Variants in MRC2 observed in about 807,000 individuals in gnomAD.
The protein encoded by MRC2 is mannose receptor C-type 2, also known as C-type mannose receptor 2.
Under a neutral mutation model 206.2 loss-of-function variants are expected in MRC2, and 84 were observed. The observed-to-expected ratio is 0.41, with a 90% CI of 0.34 to 0.49. The LOEUF (loss-of-function observed/expected upper bound fraction) is 0.49. Ranked by LOEUF, MRC2 falls within the 20% of genes least tolerant of loss-of-function variation. MRC2 has a pLI of 0.31. For synonymous variants in MRC2, 798 were observed against 800.0 expected (o/e 1.00, Z 0.04); for missense variants, 1,676 against 2,001.5 (o/e 0.84, Z 3.10).
chr17:62,637,368 T>G (rs1236528846), intron 1 of MRC2, among the ~76,000 whole-genome samples: 2 of 151,782 alleles, frequency 1.3e-5, no homozygotes, highest in Non-Finnish European at 2.9e-5. Flanking sequence ...AAACCCTGTC[T>G]CTCCTGAAAA....
intron 1 of MRC2, among the ~76,000 whole-genome samples, chr17:62,636,035 C>G (rs1028920574): frequency 2.6e-5 from 4 of 151,978 alleles, no homozygotes; most frequent in African/African-American, 9.7e-5. Context: ...GATCCACCTG[C>G]CTCGGCCTCC....
intron 26 of MRC2, 141 bp from the exon 27 acceptor site, chr17:62,690,501 T>C (rs940218292): frequency 1.5e-5 from 21 of 1,390,880 alleles, no homozygotes; most frequent in Non-Finnish European, 2.0e-5. Flanking sequence ...CACTTGCACA[T>C]GTGCACACAC....
chr17:62,680,600 C>T lies in MRC2; in HGVS notation c.2473+147C>T, dbSNP rs551746117. 3.6e-5 allele frequency: 47 copies of T among 1,315,964 alleles called. No individual in the cohort carries two copies. The East Asian group carries it at 9.9e-4, about 28-fold the overall frequency. 81.5% of individuals were successfully genotyped at this position (1,315,964 alleles called of 1,614,324 possible). A position where few individuals can be genotyped will look rare whatever the true frequency, so the allele number is the denominator to read the frequency against. The stretch of plus-strand genomic sequence containing the variant: ...ACGGGGTTGGCTCGGACGGAGGCAG[C>T]CACAGCCCTGTTTGCTTCCGTGTGG... On this transcript the variant is annotated intron_variant, in intron 16 of 29. Coordinates refer to ENST00000303375, the MANE Select transcript of MRC2 (RefSeq NM_006039.5). The surrounding 1 kb of genome is among the most constrained non-coding windows in gnomAD (Gnocchi z 4.8).
Position 62,679,880 on chromosome 17 carries a change from G to A in MRC2, c.2276G>A (p.Trp759Ter). Residue 759 changes from tryptophan to a stop codon, truncating the protein, a stop_gained, in exon 14 of 30, where the codon TGG becomes TAG. Transcript: ENST00000303375. LOFTEE classifies it high-confidence loss of function. The part of the protein sequence containing the change: ...NRRDPRGGQS[W>*]RWSDGVGFSY... ...CGGGATCCCAGAGGGGGTCAGAGTT[G>A]GCGCTGGAGCGACGGCGTAGGGGTG... 2 of 1,613,634 alleles carry A rather than the reference G, an allele frequency of 1.2e-6. No individual in the cohort carries two copies. The highest frequency in any genetic ancestry group is 1.7e-6 in the Non-Finnish European group (2 of 1,179,944).
chr17:62,684,653 T>A (rs1042819450), intron 20 of MRC2, among the ~76,000 whole-genome samples: 2 of 152,234 alleles, frequency 1.3e-5, no homozygotes, highest in Non-Finnish European at 2.9e-5. Context: ...TCATTTTCCT[T>A]GTTATGTGCC....
At chr17:62,661,608 C>T (rs949551098) in intron 1 of MRC2, 6 of 150,386 alleles carry the variant, frequency 4.0e-5, no homozygotes, top group Non-Finnish European at 8.8e-5. Context: ...TTCCTTCCTT[C>T]CTTCCTTCTT....
intron 2 of MRC2, 151 bp downstream of exon 2, chr17:62,665,100 T>C (rs1239454594): frequency 8.4e-6 from 8 of 956,602 alleles, no homozygotes; most frequent in Non-Finnish European, 1.2e-5. Context: ...TTTTTAATAA[T>C]TAAGAAAATT....
intron 1 of MRC2, among the ~76,000 whole-genome samples, chr17:62,646,174 G>T (rs1179230246): frequency 1.3e-5 from 2 of 151,892 alleles, no homozygotes; most frequent in Non-Finnish European, 2.9e-5. Flanking sequence ...ACAGGCGCCT[G>T]CCACCATGCC....
intron 1 of MRC2, among the ~76,000 whole-genome samples, chr17:62,644,417 T>C (rs1432436537): frequency 1.3e-5 from 2 of 151,608 alleles, no homozygotes; most frequent in African/African-American, 2.4e-5. Context: ...AGACTCCGTC[T>C]GGAAAAATAA....
intron 26 of MRC2, 124 bp from the exon 27 acceptor site, chr17:62,690,518 A>G: frequency 1.4e-6 from 2 of 1,442,560 alleles, no homozygotes; most frequent in South Asian, 1.4e-5. Context: ...ACACACACAC[A>G]TGAATCCACA....
intron 1 of MRC2, among the ~76,000 whole-genome samples, chr17:62,628,670 A>G (rs1190618925): frequency 3.3e-5 from 5 of 152,284 alleles, no homozygotes; most frequent in South Asian, 4.1e-4. Flanking sequence ...AACCCAACGA[A>G]CAGGAAACAA....
At chr17:62,674,261 C>A in intron 9 of MRC2, 91 bp downstream of exon 9, 2 of 903,962 alleles carry the variant, frequency 2.2e-6, no homozygotes, top group Non-Finnish European at 3.3e-6. Flanking sequence ...TGCTGCCTCG[C>A]ATGGCATCGC....
At position 62,688,193 on chromosome 17, in the gene MRC2, C is replaced by T. The variant is rs1328175130; in HGVS notation, c.2947-96C>T. 5.7e-6 allele frequency: 6 copies of T among 1,057,370 alleles called. No individual in the cohort carries two copies. In the African/African-American group the frequency reaches 7.8e-5, roughly 14 times the overall value. The allele number at this position is 1,057,370 out of a possible 1,614,324, so 65.5% of individuals were successfully genotyped here. On this transcript the variant is annotated intron_variant, in intron 20 of 29. Coordinates refer to ENST00000303375, the MANE Select transcript of MRC2 (RefSeq NM_006039.5). ...TGTTCTCTCCCGGCCCTCAAAGGCC[C>T]CCCAGGACCTGCTGCTGAGGGGCGC...
intron 18 of MRC2, 65 bp from the exon 19 acceptor site, chr17:62,681,772 C>A: frequency 7.7e-7 from 1 of 1,303,308 alleles, no homozygotes; most frequent in African/African-American, 1.5e-5. Context: ...GCCTTCATTG[C>A]TGCATCCGGT....
At chr17:62,635,786 G>T (rs1355429813) in intron 1 of MRC2, among the ~76,000 whole-genome samples, 2 of 151,444 alleles carry the variant, frequency 1.3e-5, no homozygotes, top group East Asian at 1.9e-4. Flanking sequence ...CCTGTGTCTA[G>T]AATTTTTTTT....
chr17:62,668,969 G>A (rs1006691244), intron 6 of MRC2, among the ~76,000 whole-genome samples: 5 of 152,088 alleles, frequency 3.3e-5, no homozygotes, highest in Admixed American at 6.6e-5. Context: ...GGCCTGGCAC[G>A]AAGGAGTTTT....
rs2089108688 is a variant in MRC2 at position 62,691,269 on chromosome 17, C to A, written c.4192+141C>A. On this transcript the variant is annotated intron_variant, in intron 28 of 29. Transcript: ENST00000303375. Reference sequence around the variant, plus strand: ...CAGAACGGACTGCGGGCAGCTGGGACCCCCGGGATAAATTAGTCAGTGGGA... The same window carrying A: ...CAGAACGGACTGCGGGCAGCTGGGAACCCCGGGATAAATTAGTCAGTGGGA... 4.1e-6 allele frequency: 4 copies of A among 972,624 alleles called. No homozygotes were observed. In the South Asian group the frequency reaches 5.6e-5, roughly 14 times the overall value. The allele number at this position is 972,624 out of a possible 1,614,324, so 60.2% of individuals were successfully genotyped here. A position where few individuals can be genotyped will look rare whatever the true frequency, so the allele number is the denominator to read the frequency against.
Position 62,671,620 on chromosome 17 carries a change from C to A in MRC2, c.1118-29C>A. On this transcript the variant is annotated intron_variant, in intron 6 of 29. Coordinates refer to ENST00000303375, the MANE Select transcript of MRC2 (RefSeq NM_006039.5). The surrounding 1 kb of genome is among the most constrained non-coding windows in gnomAD (Gnocchi z 4.5). ...GTTCCCAGACTGGGCGGCTCAGTCC[C>A]TGAGCAGCAGCCTCATGGGTCTCTG... The A allele has an allele frequency of 6.5e-7, 1 of 1,536,290 alleles. No individual in the cohort carries two copies. The highest frequency in any genetic ancestry group is 8.8e-7 in the Non-Finnish European group (1 of 1,139,704).
At chr17:62,662,414 T>C (rs1428707943) in intron 1 of MRC2, among the ~76,000 whole-genome samples, 1 of 152,174 alleles carries the variant, frequency 6.6e-6, no homozygotes, top group Non-Finnish European at 1.5e-5. Context: ...TGTCATCAAA[T>C]TGCTTCACCA....
Sources: gnomAD v4.1 joint callset for allele counts (sites outside exome capture counted in the v4.1 genomes callset) on GRCh38, gnomAD v4.1.1 for gene constraint, Gnocchi (gnomAD v3.1) non-coding constraint, MANE v1.5 for transcripts, NCBI Gene and HGNC (gene_info 2026-07-23, HGNC 2026-07-21) for gene names.